Variants in GALNT13 observed in about 807,000 individuals in gnomAD.
GALNT13 encodes polypeptide N-acetylgalactosaminyltransferase 13.
A neutral mutation model predicts 64.2 loss-of-function variants in GALNT13; 28 were observed. The ratio of observed to expected loss-of-function variants is 0.44; its 90% CI spans 0.32 to 0.60. GALNT13 has a LOEUF of 0.60. Among genes scored for constraint, GALNT13 ranks in the 20% least tolerant of loss-of-function variants. The probability of loss-of-function intolerance (pLI) is 0.05; values close to 1 mark genes in which losing one functional copy is unlikely to be tolerated. For synonymous variants in GALNT13, 214 were observed against 224.6 expected (o/e 0.95, Z 0.42); for missense variants, 577 against 669.8 (o/e 0.86, Z 1.53).
chr2:153,368,843 A>G, the GALNT13 span, among the ~76,000 whole-genome samples: 2 of 152,140 alleles, frequency 1.3e-5, no homozygotes, highest in Non-Finnish European at 2.9e-5. Flanking sequence ...TATTTAGAGA[A>G]CTTTCCACCC....
intron 2 of GALNT13, among the ~76,000 whole-genome samples, chr2:153,940,260 C>CTT (rs35641791): frequency 3.9e-5 from 5 of 129,248 alleles, no homozygotes; most frequent in Non-Finnish European, 6.5e-5. Flanking sequence ...AAGTTTTTGT[C>CTT]TTTTTTTTTT....
At chr2:153,650,504 A>T in the GALNT13 span, among the ~76,000 whole-genome samples, 1 of 152,172 alleles carries the variant, frequency 6.6e-6, no homozygotes, top group African/African-American at 2.4e-5. Flanking sequence ...TGATCCTGTC[A>T]TTATGATGTT....
the GALNT13 span, among the ~76,000 whole-genome samples, chr2:153,508,165 G>A: frequency 6.6e-6 from 1 of 152,108 alleles, no homozygotes; most frequent in Non-Finnish European, 1.5e-5. Context: ...CCAGAAGGTG[G>A]CACTCTCAAG....
intron 8 of GALNT13, among the ~76,000 whole-genome samples, chr2:154,262,941 C>G (rs1027887654): frequency 6.6e-6 from 1 of 151,948 alleles, no homozygotes; most frequent in Non-Finnish European, 1.5e-5. Flanking sequence ...AAATAATAAC[C>G]GTGTTTCAGG....
chr2:153,192,461 C>T, the GALNT13 span, among the ~76,000 whole-genome samples: 5 of 151,964 alleles, frequency 3.3e-5, no homozygotes, highest in South Asian at 2.1e-4. Flanking sequence ...TGTGGTCTAT[C>T]GTAATGTTCC....
At chr2:153,663,340 T>C in the GALNT13 span, among the ~76,000 whole-genome samples, 1 of 152,202 alleles carries the variant, frequency 6.6e-6, no homozygotes, top group East Asian at 1.9e-4. Context: ...AACTAGACTT[T>C]TTAAGATTTA....
chr2:154,044,609 T>C (rs1439782485), intron 3 of GALNT13, among the ~76,000 whole-genome samples: 2 of 151,654 alleles, frequency 1.3e-5, no homozygotes, highest in Admixed American at 6.6e-5. Flanking sequence ...GGGAGGGAGA[T>C]GATGAATATA....
chr2:153,216,372 C>T, the GALNT13 span, among the ~76,000 whole-genome samples: 1 of 151,996 alleles, frequency 6.6e-6, no homozygotes, highest in African/African-American at 2.4e-5. Context: ...TATTGTATAA[C>T]AAGCCACCAA....
At chr2:153,430,979 G>A in the GALNT13 span, among the ~76,000 whole-genome samples, 3 of 151,546 alleles carry the variant, frequency 2.0e-5, no homozygotes, top group Non-Finnish European at 4.4e-5. Flanking sequence ...GTGAAACCCC[G>A]TCTCTACTAA....
the GALNT13 span, among the ~76,000 whole-genome samples, chr2:153,520,745 A>G: frequency 1.3e-5 from 2 of 152,186 alleles, no homozygotes; most frequent in African/African-American, 4.8e-5. Context: ...GATTATTCCC[A>G]AAGTGATTTT....
the GALNT13 span, among the ~76,000 whole-genome samples, chr2:153,748,211 A>G: frequency 3.3e-5 from 5 of 152,160 alleles, no homozygotes; most frequent in African/African-American, 1.2e-4. Flanking sequence ...GAGATTCCTC[A>G]AAGAAATAGT....
chr2:153,980,051 G>T (rs1261203565), intron 3 of GALNT13, among the ~76,000 whole-genome samples: 1 of 152,156 alleles, frequency 6.6e-6, no homozygotes, highest in Non-Finnish European at 1.5e-5. Flanking sequence ...AATTACAATT[G>T]TGATATATAT....
chr2:153,681,858 A>G, the GALNT13 span, among the ~76,000 whole-genome samples: 1 of 151,828 alleles, frequency 6.6e-6, no homozygotes, highest in Non-Finnish European at 1.5e-5. Context: ...TAGGCTTAAT[A>G]TGCTACAGAG....
At chr2:153,106,519 GT>G in the GALNT13 span, among the ~76,000 whole-genome samples, 2 of 152,148 alleles carry the variant, frequency 1.3e-5, no homozygotes, top group African/African-American at 2.4e-5. Context: ...TTAGGCAAGT[GT>G]TTTCTTAGCA....
chr2:154,070,114 G>A (rs1700667478), intron 3 of GALNT13, among the ~76,000 whole-genome samples: 1 of 152,052 alleles, frequency 6.6e-6, no homozygotes, highest in Non-Finnish European at 1.5e-5. Context: ...TTGATATGTG[G>A]CCCTAGATTT....
At chr2:153,707,007 T>G in the GALNT13 span, among the ~76,000 whole-genome samples, 1 of 152,280 alleles carries the variant, frequency 6.6e-6, no homozygotes, top group Non-Finnish European at 1.5e-5. Flanking sequence ...TGATAGTGAA[T>G]AAGACTCACG....
intron 3 of GALNT13, among the ~76,000 whole-genome samples, chr2:154,067,939 T>TGGGA (rs59691289): frequency 0.65 from 98,400 of 151,270 alleles, 32,920 homozygotes; most frequent in East Asian, 0.84. Flanking sequence ...ACCCACAGAA[T>TGGGA]GGAAGTATTT....
At chr2:154,437,361 C>T (rs192684574) in intron 11 of GALNT13, 51 of 290,140 alleles carry the variant, frequency 1.8e-4, no homozygotes, top group Admixed American at 1.4e-3. Flanking sequence ...GTTCAGCTTA[C>T]GGAGCTCCAG....
chr2:153,145,048 T>G, the GALNT13 span, among the ~76,000 whole-genome samples: 1 of 151,926 alleles, frequency 6.6e-6, no homozygotes, highest in Admixed American at 6.6e-5. Flanking sequence ...TATAAATTAC[T>G]CAATAAATAC....
Sources: allele counts gnomAD v4.1 joint callset (sites outside exome capture counted in the v4.1 genomes callset), GRCh38; gene constraint gnomAD v4.1.1; transcripts MANE v1.5; gene names NCBI Gene and HGNC (gene_info 2026-07-23, HGNC 2026-07-21).